Variants in SH3BGRL2 observed in about 807,000 individuals in gnomAD.
The protein encoded by SH3BGRL2 is SH3 domain-binding glutamic acid-rich-like protein 2.
A neutral mutation model predicts 14.8 loss-of-function variants in SH3BGRL2; 21 were observed. The ratio of observed to expected loss-of-function variants is 1.42; its 90% CI spans 1.01 to 2.05. The LOEUF (loss-of-function observed/expected upper bound fraction) is 2.05, where lower values mean the gene tolerates loss of function less well. Among genes scored for constraint, SH3BGRL2 ranks in the 30% most tolerant of loss-of-function variants. The pLI is 0.00. For synonymous variants in SH3BGRL2, 50 were observed against 47.8 expected, an observed-to-expected ratio of 1.05 and a Z score of -0.19; for missense variants, 147 against 130.8, an observed-to-expected ratio of 1.12 and a Z score of -0.61.
At chr6:79,585,508 T>C in the SH3BGRL2 span, among the ~76,000 whole-genome samples, 1 of 152,104 alleles carries the variant, frequency 6.6e-6, no homozygotes, top group Non-Finnish European at 1.5e-5. Flanking sequence ...CCTGAAGTAT[T>C]TTTTTTCTTA....
intron 2 of SH3BGRL2, among the ~76,000 whole-genome samples, chr6:79,685,746 A>G (rs1462055806): frequency 1.3e-5 from 2 of 152,150 alleles, no homozygotes; most frequent in Non-Finnish European, 2.9e-5. Context: ...GCAGCCATAG[A>G]TAGAGGAGGG....
the SH3BGRL2 span, among the ~76,000 whole-genome samples, chr6:79,557,757 C>G: frequency 1.3e-5 from 2 of 152,138 alleles, no homozygotes; most frequent in Non-Finnish European, 2.9e-5. Flanking sequence ...CAGAGAATGA[C>G]TTTTTTCTAA....
intron 2 of SH3BGRL2, among the ~76,000 whole-genome samples, chr6:79,695,648 G>A (rs1770316063): frequency 6.6e-6 from 1 of 152,164 alleles, no homozygotes; most frequent in South Asian, 2.1e-4. Flanking sequence ...TTTGCCTTGA[G>A]CCAGTCTCTA....
intron 2 of SH3BGRL2, among the ~76,000 whole-genome samples, chr6:79,695,802 C>T (rs1016595034): frequency 1.3e-5 from 2 of 152,192 alleles, no homozygotes; most frequent in Non-Finnish European, 2.9e-5. Context: ...AATTTTAAGA[C>T]TGCTTTACAT....
intron 1 of SH3BGRL2, among the ~76,000 whole-genome samples, chr6:79,667,618 T>A (rs1582728332): frequency 6.6e-6 from 1 of 152,210 alleles, no homozygotes; most frequent in East Asian, 1.9e-4. Flanking sequence ...AGCTAATTTT[T>A]GTATTTTTAG....
chr6:79,621,444 A>C, the SH3BGRL2 span, among the ~76,000 whole-genome samples: 2 of 152,192 alleles, frequency 1.3e-5, no homozygotes, highest in African/African-American at 4.8e-5. Context: ...CCATCTATGA[A>C]CCAGGAAAGA....
the SH3BGRL2 span, among the ~76,000 whole-genome samples, chr6:79,616,903 C>T: frequency 1.3e-5 from 2 of 152,138 alleles, no homozygotes; most frequent in African/African-American, 4.8e-5. Flanking sequence ...TGAAAAAAAT[C>T]AGGGCTGGGT....
chr6:79,679,743 CT>C, intron 2 of SH3BGRL2, among the ~76,000 whole-genome samples: 1 of 152,104 alleles, frequency 6.6e-6, no homozygotes, highest in Admixed American at 6.5e-5. Context: ...TCCTCACCAA[CT>C]TTTTTTGTTA....
chr6:79,605,697 G>T, the SH3BGRL2 span, among the ~76,000 whole-genome samples: 1 of 152,202 alleles, frequency 6.6e-6, no homozygotes, highest in Non-Finnish European at 1.5e-5. Flanking sequence ...TGCTAGTGCA[G>T]TATTCAACAC....
the SH3BGRL2 span, among the ~76,000 whole-genome samples, chr6:79,584,624 G>A: frequency 1.3e-5 from 2 of 152,058 alleles, no homozygotes; most frequent in South Asian, 2.1e-4. Context: ...CTAGGGAAGT[G>A]TGATGCAGAT....
chr6:79,664,249 G>A (rs548072199), intron 1 of SH3BGRL2, among the ~76,000 whole-genome samples: 1 of 152,190 alleles, frequency 6.6e-6, no homozygotes, highest in African/African-American at 2.4e-5. Flanking sequence ...CTTCTGCATC[G>A]ATCACGCTGG....
chr6:79,609,250 A>G, the SH3BGRL2 span, among the ~76,000 whole-genome samples: 1 of 152,196 alleles, frequency 6.6e-6, no homozygotes, highest in African/African-American at 2.4e-5. Context: ...ATTGGCTGCA[A>G]AATGAAATTT....
rs771667298 is a variant in SH3BGRL2 at position 79,696,495 on chromosome 6, GT to G, written c.249del (p.Phe83LeufsTer13). 9.5e-6 allele frequency: 15 copies of G among 1,579,104 alleles called. No homozygotes were observed. The highest frequency in any genetic ancestry group is 5.5e-5 in the African/African-American group (4 of 72,334). On this transcript the variant is annotated frameshift_variant, in exon 3 of 4. Coordinates refer to ENST00000369838, the MANE Select transcript of SH3BGRL2 (RefSeq NM_031469.4). LOFTEE classifies it high-confidence loss of function. ...TCCCTTTTTTTCTAGGATTATGACA[GT>G]TTTTTTGAATCCAAGGAAAGCAACA... ...NGDRYCGDYD[S>X]FFESKESNTV...
chr6:79,679,864 G>C (rs1769956334), intron 2 of SH3BGRL2, among the ~76,000 whole-genome samples: 1 of 152,066 alleles, frequency 6.6e-6, no homozygotes, highest in Non-Finnish European at 1.5e-5. Flanking sequence ...ATGTTTGTTA[G>C]CCATTTGTAT....
intron 2 of SH3BGRL2, among the ~76,000 whole-genome samples, chr6:79,690,820 G>A (rs1289140659): frequency 6.6e-6 from 1 of 152,176 alleles, no homozygotes; most frequent in Non-Finnish European, 1.5e-5. Flanking sequence ...GGGAGGCTGA[G>A]GCAGGAAGAT....
chr6:79,671,448 T>TCAAAA lies in SH3BGRL2; in HGVS notation c.46-2150_46-2146dup, dbSNP rs1014255368. On this transcript the variant is annotated intron_variant, in intron 1 of 3. Transcript: ENST00000369838. ...TGTGCAACAAGAGTGAAACTCTGTC[T>TCAAAA]CAAAACAAAACAAAACAAAAAAATG... is the stretch of plus-strand genomic sequence containing the variant. Among the ~76,000 whole-genome samples, 7 of 152,286 alleles carry TCAAAA rather than the reference T, an allele frequency of 4.6e-5. No homozygotes were observed. In the South Asian group the frequency reaches 6.2e-4, roughly 14 times the overall value.
At chr6:79,616,852 GTTAGTAATTCATACACAAA>G in the SH3BGRL2 span, among the ~76,000 whole-genome samples, 1 of 152,180 alleles carries the variant, frequency 6.6e-6, no homozygotes, top group Non-Finnish European at 1.5e-5. Context: ...GCATGGAGTG[GTTAGTAATTCATACACAAA>G]TTTCCACTCA....
intron 1 of SH3BGRL2, among the ~76,000 whole-genome samples, chr6:79,662,526 G>C (rs753824000): frequency 6.6e-6 from 1 of 152,202 alleles, no homozygotes; most frequent in African/African-American, 2.4e-5. Flanking sequence ...CTGTTAGTCT[G>C]ATGGGCTTCC....
chr6:79,579,599 T>G, the SH3BGRL2 span, among the ~76,000 whole-genome samples: 1 of 152,148 alleles, frequency 6.6e-6, no homozygotes, highest in African/African-American at 2.4e-5. Context: ...AAGCAAATGC[T>G]GAGAGATTTT....
Sources: gnomAD v4.1 joint callset for allele counts (sites outside exome capture counted in the v4.1 genomes callset) on GRCh38, gnomAD v4.1.1 for gene constraint, MANE v1.5 for transcripts, NCBI Gene and HGNC (gene_info 2026-07-23, HGNC 2026-07-21) for gene names.